The following ERGIC3 variants were observed in gnomAD, a reference collection of about 807,000 sequenced individuals.
The protein encoded by ERGIC3 is ERGIC and golgi 3, also known as endoplasmic reticulum-Golgi intermediate compartment protein 3.
In ERGIC3, 33 loss-of-function variants were observed where a neutral mutation model predicts 54.7. The observed-to-expected ratio is 0.60, with a 90% CI of 0.46 to 0.81. The LOEUF (loss-of-function observed/expected upper bound fraction) is 0.81, where lower values mean the gene tolerates loss of function less well. Among genes scored for constraint, ERGIC3 ranks in the 30% least tolerant of loss-of-function variants. ERGIC3 has a pLI of 0.00. For synonymous variants in ERGIC3, 186 were observed against 189.8 expected (o/e 0.98, Z 0.16); for missense variants, 399 against 488.4 (o/e 0.82, Z 1.73).
At chr20:35,552,809 C>G (rs545048299) in intron 7 of ERGIC3, among the ~76,000 whole-genome samples, 5 of 152,076 alleles carry the variant, frequency 3.3e-5, no homozygotes, top group South Asian at 2.1e-4. Flanking sequence ...GAAAGGATGT[C>G]CAGGAACTGG....
In ERGIC3 at chr20:35,547,406, C is replaced by G; in HGVS notation, c.368-6C>G. The stretch of plus-strand genomic sequence containing the variant: ...GCTGATGCCTCTGCTTCTCCCCTCC[C>G]CTTAGAGCTTGGGAAAGTCGAGGTG... On this transcript the variant is annotated splice_region_variant and splice_polypyrimidine_tract_variant and intron_variant, in intron 4 of 12. Coordinates refer to ENST00000348547, the MANE Select transcript of ERGIC3 (RefSeq NM_015966.3). 1.2e-6 allele frequency: 2 copies of G among 1,613,820 alleles called. No individual in the cohort carries two copies. The highest frequency in any genetic ancestry group is 1.7e-6 in the Non-Finnish European group (2 of 1,179,694).
chr20:35,547,452 C>T lies in ERGIC3; in HGVS notation c.408C>T (p.Ser136=), dbSNP rs757261785. 4 of 1,614,014 alleles carry T rather than the reference C, an allele frequency of 2.5e-6. No individual in the cohort carries two copies. In the East Asian group the frequency reaches 8.9e-5, roughly 36 times the overall value. ...AGGTGACGGTGTTTGACCCTGACTC[C>T]CTGGACCCTGATCGCTGTGAGAGCT... ...KVEVTVFDPD[S]LDPDRCESCY... The change falls in exon 5 of 13, where the codon TCC becomes TCT. Residue 136 remains serine (S), a synonymous_variant. Coordinates refer to ENST00000348547, the MANE Select transcript of ERGIC3 (RefSeq NM_015966.3).
At chr20:35,557,312 TTTGG>T (rs2064719946) in intron 12 of ERGIC3, 63 bp downstream of exon 12, 2 of 1,611,604 alleles carry the variant, frequency 1.2e-6, no homozygotes, top group South Asian at 1.1e-5. Flanking sequence ...GTGCCCCAGG[TTTGG>T]TTGGGGGTGA....
At chr20:35,544,726 A>G (rs951626916) in intron 4 of ERGIC3, 8 of 162,600 alleles carry the variant, frequency 4.9e-5, no homozygotes, top group African/African-American at 1.7e-4. Context: ...GCACACGGCC[A>G]TAGTGGGTAG....
At chr20:35,557,140 G>T (rs763561259) in intron 11 of ERGIC3, 31 bp downstream of exon 11, 26 of 1,614,108 alleles carry the variant, frequency 1.6e-5, no homozygotes, top group Non-Finnish European at 1.1e-5. Context: ...GCCTCTGGGG[G>T]CCTGGGCCTG....
rs376615939 is a variant in ERGIC3, at chr20:35,547,400, C to G, written c.368-12C>G. On this transcript the variant is annotated splice_polypyrimidine_tract_variant and intron_variant, in intron 4 of 12. Transcript: ENST00000348547. Reference sequence around the variant, plus strand: ...GCCCCAGCTGATGCCTCTGCTTCTCCCCTCCCCTTAGAGCTTGGGAAAGTC... The same window carrying G: ...GCCCCAGCTGATGCCTCTGCTTCTCGCCTCCCCTTAGAGCTTGGGAAAGTC... 345 of 1,612,608 alleles carry G rather than the reference C, an allele frequency of 2.1e-4. No individual in the cohort carries two copies. The highest frequency in any genetic ancestry group is 2.6e-4 in the Non-Finnish European group (309 of 1,178,692).
intron 5 of ERGIC3, among the ~76,000 whole-genome samples, chr20:35,548,151 A>G (rs996625288): frequency 3.9e-5 from 6 of 152,122 alleles, no homozygotes; most frequent in African/African-American, 1.4e-4. Flanking sequence ...AAAACTTGTC[A>G]TCGCCTCAAA....
chr20:35,548,357 T>G, intron 5 of ERGIC3, 152 bp from the exon 6 acceptor site: 2 of 798,568 alleles, frequency 2.5e-6, no homozygotes, highest in Non-Finnish European at 3.8e-6. Flanking sequence ...CTTCTGCCAC[T>G]GAGGAAACAC....
At chr20:35,542,206 G>A (rs766405736) in intron 1 of ERGIC3, 21 bp downstream of exon 1, 1 of 1,586,644 alleles carries the variant, frequency 6.3e-7, no homozygotes, top group Non-Finnish European at 8.6e-7. Flanking sequence ...GCGGGGCCGG[G>A]GTCGCGTGGA....
chr20:35,542,171 G>C lies in ERGIC3; in HGVS notation c.74G>C (p.Cys25Ser). 6.3e-7 allele frequency: 1 copy of C among 1,579,678 alleles called. No homozygotes were observed. Among genetic ancestry groups the C allele is most frequent in the East Asian group, 2.2e-5 (1 of 44,588 alleles). ...KTLEDFRVKT[C>S]GGATVTIVSG... ...TTGGAGGACTTCCGGGTCAAGACCT[G>C]CGGGGGCGCCACCGGTAGGCCGCAG... The change falls in exon 1 of 13, where the codon TGC (cysteine) becomes TCC (serine). Residue 25 changes from cysteine (C) to serine (S), a missense_variant. Transcript: ENST00000348547.
At chr20:35,544,036 AT>A (rs2064633102) in intron 4 of ERGIC3, 1 of 219,104 alleles carries the variant, frequency 4.6e-6, no homozygotes, top group African/African-American at 2.3e-5. Flanking sequence ...CTATCTATCT[AT>A]CTATCTATCT....
At chr20:35,556,424 C>T (rs955745600) in intron 10 of ERGIC3, 153 bp downstream of exon 10, 1 of 813,358 alleles carries the variant, frequency 1.2e-6, no homozygotes, top group South Asian at 1.5e-5. Context: ...GATTTGCCCT[C>T]CCAGGCAGAG....
chr20:35,553,244 G>A (rs1382027513), intron 7 of ERGIC3, among the ~76,000 whole-genome samples: 2 of 143,272 alleles, frequency 1.4e-5, no homozygotes, highest in African/African-American at 2.6e-5. Flanking sequence ...TGATCCTCCC[G>A]CTTGGCCCCC....
chr20:35,549,453 T>C (rs1408641487), intron 7 of ERGIC3: 10 of 346,992 alleles, frequency 2.9e-5, no homozygotes, highest in Non-Finnish European at 5.6e-5. Context: ...TCACAAAATA[T>C]TTAGTAATCA....
At position 35,557,181 on chromosome 20, in the gene ERGIC3, C is replaced by G; in HGVS notation, c.1017-13C>G. ...GGAGGATGCCTGCTGAGCCCACCCT[C>G]TCCTTCTACCAGGTCCTTCACCCAC... On this transcript the variant is annotated splice_polypyrimidine_tract_variant and intron_variant, in intron 11 of 12. Coordinates refer to ENST00000348547, the MANE Select transcript of ERGIC3 (RefSeq NM_015966.3). 1 of 1,614,232 alleles carries G rather than the reference C, an allele frequency of 6.2e-7. No homozygotes were observed. The highest frequency in any genetic ancestry group is 1.1e-5 in the South Asian group (1 of 91,090).
intron 4 of ERGIC3, among the ~76,000 whole-genome samples, chr20:35,545,566 TCAA>T (rs138804480): frequency 0.17 from 25,120 of 151,852 alleles, 2,272 homozygotes; most frequent in Middle Eastern, 0.29. Flanking sequence ...AAACTCTGTC[TCAA>T]CAACAACAAC....
chr20:35,550,203 G>A (rs1478654127), intron 7 of ERGIC3, among the ~76,000 whole-genome samples: 1 of 151,946 alleles, frequency 6.6e-6, no homozygotes, highest in Non-Finnish European at 1.5e-5. Context: ...TGTCTGGGGA[G>A]GAAGTGTTAC....
At chr20:35,556,309 G>T in intron 10 of ERGIC3, 38 bp downstream of exon 10, 1 of 1,607,664 alleles carries the variant, frequency 6.2e-7, no homozygotes, top group Non-Finnish European at 8.5e-7. Context: ...CTCCTGCGCG[G>T]TGCCAAGCAC....
intron 4 of ERGIC3, chr20:35,544,612 C>T (rs867974262): frequency 3.2e-5 from 8 of 253,672 alleles, no homozygotes; most frequent in Middle Eastern, 2.6e-3. Context: ...CCACACACCT[C>T]TCGGATCATG....
Sources: allele counts gnomAD v4.1 joint callset (sites outside exome capture counted in the v4.1 genomes callset), GRCh38; gene constraint gnomAD v4.1.1; transcripts MANE v1.5; gene names NCBI Gene and HGNC (gene_info 2026-07-23, HGNC 2026-07-21).